OR10R2: variants seen among roughly 807,000 people sequenced by gnomAD.
The protein encoded by OR10R2 is olfactory receptor family 10 subfamily R member 2.
A neutral mutation model predicts 2.4 loss-of-function variants in OR10R2; 1 was observed. The ratio of observed to expected loss-of-function variants is 0.41; its 90% confidence interval spans 0.15 to 1.95. The LOEUF (loss-of-function observed/expected upper bound fraction) is 1.95. Among genes scored for constraint, OR10R2 ranks in the 30% most tolerant of loss-of-function variants. The pLI is 0.30. For missense variants in OR10R2, 419 were observed against 373.0 expected (o/e 1.12, Z -1.01); for synonymous variants, 166 against 144.8 (o/e 1.15, Z -1.05).
At chr1:158,475,848 T>A (rs1194137029) in intron 1 of OR10R2, among the ~76,000 whole-genome samples, 1 of 151,938 alleles carries the variant, frequency 6.6e-6, no homozygotes, top group Non-Finnish European at 1.5e-5. Context: ...TTTATTAACA[T>A]ATAAATTTTG....
At chr1:158,480,265 A>C in exon 2 of OR10R2, 5 of 1,614,056 alleles carry the variant, frequency 3.1e-6, no homozygotes, top group Non-Finnish European at 4.2e-6. Context: ...TTTTGCCATT[A>C]CCAACTGCCT....
chr1:158,480,227 G>A (rs779058552), exon 2 of OR10R2: 3 of 1,613,774 alleles, frequency 1.9e-6, no homozygotes, highest in African/African-American at 2.7e-5. Context: ...TTCAACTGTT[G>A]TGCTCTTCAA....
At chr1:158,480,517 G>C in exon 2 of OR10R2, 1 of 1,613,582 alleles carries the variant, frequency 6.2e-7, no homozygotes, top group Non-Finnish European at 8.5e-7. Flanking sequence ...CAACACAGAT[G>C]TTAACGAATT....
At chr1:158,473,289 T>C (rs911424795) in intron 1 of OR10R2, among the ~76,000 whole-genome samples, 1 of 152,186 alleles carries the variant, frequency 6.6e-6, no homozygotes, top group Non-Finnish European at 1.5e-5. Flanking sequence ...TTTTGTCAAA[T>C]GAACAACATA....
intron 1 of OR10R2, among the ~76,000 whole-genome samples, chr1:158,475,953 T>C (rs1237345799): frequency 6.6e-6 from 1 of 152,074 alleles, no homozygotes; most frequent in African/African-American, 2.4e-5. Flanking sequence ...TTAGGTGGCA[T>C]TGAGATGTTT....
Position 158,476,215 on chromosome 1 carries a change from T to G in OR10R2, c.28-3723T>G, listed in dbSNP as rs189683043. 6.9e-4 allele frequency among the ~76,000 whole-genome samples: 105 copies of G among 152,242 alleles called. No individual in the cohort carries two copies. The East Asian group carries it at 0.016, about 23-fold the overall frequency. On this transcript the variant is annotated intron_variant, in intron 1 of 1. Transcript: ENST00000641067. Reference sequence around the variant, plus strand: ...TTTTATTGTTACTGATCAATGGTTTTGCTCAAATGTACAGACAGGTTTTCT... The same window carrying G: ...TTTTATTGTTACTGATCAATGGTTTGGCTCAAATGTACAGACAGGTTTTCT...
At chr1:158,480,301 C>T (rs138574952) in exon 2 of OR10R2, 24 of 1,613,954 alleles carry the variant, frequency 1.5e-5, no homozygotes, top group Admixed American at 1.0e-4. Context: ...GGGTTATGAT[C>T]GCTATGCTGC....
At chr1:158,479,998 G>A (rs1656349534) in exon 2 of OR10R2, 1 of 1,613,644 alleles carries the variant, frequency 6.2e-7, no homozygotes, top group Admixed American at 1.7e-5. Flanking sequence ...TTCCAGCCTT[G>A]GTGAAATTCA....
chr1:158,475,075 T>A (rs1656245494), intron 1 of OR10R2, among the ~76,000 whole-genome samples: 1 of 152,128 alleles, frequency 6.6e-6, no homozygotes, highest in South Asian at 2.1e-4. Flanking sequence ...ATGAGACAAC[T>A]ACAATATAGC....
exon 2 of OR10R2, chr1:158,480,411 A>G (rs1656369636): frequency 6.2e-7 from 1 of 1,614,030 alleles, no homozygotes; most frequent in Non-Finnish European, 8.5e-7. Flanking sequence ...CCTCTCTTAC[A>G]GTAGTAAATT....
chr1:158,477,355 C>A (rs1656289807), intron 1 of OR10R2, among the ~76,000 whole-genome samples: 1 of 152,090 alleles, frequency 6.6e-6, no homozygotes, highest in East Asian at 1.9e-4. Flanking sequence ...AAGAAAATGT[C>A]AAACTATTTG....
intron 1 of OR10R2, among the ~76,000 whole-genome samples, chr1:158,474,910 G>A (rs571638317): frequency 3.3e-5 from 5 of 151,912 alleles, no homozygotes; most frequent in African/African-American, 4.8e-5. Flanking sequence ...GTCTTAAAAC[G>A]TATTTTCCTA....
At chr1:158,474,093 T>A (rs1189149711) in intron 1 of OR10R2, among the ~76,000 whole-genome samples, 3 of 152,114 alleles carry the variant, frequency 2.0e-5, no homozygotes, top group Admixed American at 2.0e-4. Context: ...ATTATAGGGT[T>A]CTGAGTAAGA....
chr1:158,473,811 C>T (rs928357755), intron 1 of OR10R2, among the ~76,000 whole-genome samples: 3 of 136,352 alleles, frequency 2.2e-5, no homozygotes, highest in Non-Finnish European at 4.6e-5. Context: ...TGCTTCCTTC[C>T]TCCCTCCTTC....
intron 1 of OR10R2, among the ~76,000 whole-genome samples, chr1:158,475,808 T>C (rs1027830888): frequency 6.6e-6 from 1 of 151,828 alleles, no homozygotes; most frequent in Non-Finnish European, 1.5e-5. Context: ...AGTAATACAA[T>C]GTTTTCTAAT....
intron 1 of OR10R2, among the ~76,000 whole-genome samples, chr1:158,478,489 A>G (rs1174305558): frequency 6.6e-6 from 1 of 152,188 alleles, no homozygotes; most frequent in East Asian, 1.9e-4. Context: ...GTCTTCTCTT[A>G]TACTAAGATT....
chr1:158,476,274 G>C (rs770300871), intron 1 of OR10R2, among the ~76,000 whole-genome samples: 1 of 151,916 alleles, frequency 6.6e-6, no homozygotes, highest in Non-Finnish European at 1.5e-5. Flanking sequence ...TAGGCTGGGC[G>C]CAGTGGTTCA....
rs1656286760 is a variant in OR10R2, at chr1:158,477,096, A to G, written c.28-2842A>G. ...AACAATTAGAAATGAAATTCATATG[A>G]TCATCTCAATAGATGCAGAAAATTT... On this transcript the variant is annotated intron_variant, in intron 1 of 1. Coordinates refer to ENST00000641067, the Ensembl canonical transcript of OR10R2. 2.0e-5 allele frequency among the ~76,000 whole-genome samples: 3 copies of G among 152,202 alleles called. No homozygotes were observed. The South Asian group carries it at 6.2e-4, about 32-fold the overall frequency.
At chr1:158,473,173 C>T (rs184981673) in intron 1 of OR10R2, among the ~76,000 whole-genome samples, 19 of 152,200 alleles carry the variant, frequency 1.2e-4, no homozygotes, top group Admixed American at 9.8e-4. Flanking sequence ...TATTAATTTG[C>T]TTAATTATAA....
Sources: gnomAD v4.1 joint callset for allele counts (sites outside exome capture counted in the v4.1 genomes callset) on GRCh38, gnomAD v4.1.1 for gene constraint, MANE v1.5 for transcripts, NCBI Gene and HGNC (gene_info 2026-07-23, HGNC 2026-07-21) for gene names.